WDR49: variants seen among roughly 807,000 people sequenced by gnomAD.
WDR49 encodes WD repeat domain 49.
WDR49 carries 107 observed loss-of-function variants against 119.5 expected under a neutral mutation model. The ratio of observed to expected loss-of-function variants is 0.90; its 90% CI spans 0.77 to 1.05. The LOEUF (loss-of-function observed/expected upper bound fraction) is 1.05, where lower values mean the gene tolerates loss of function less well. WDR49 is among the 50% of genes least tolerant of loss of function. WDR49 has a pLI of 0.00. For synonymous variants in WDR49, 425 were observed against 418.8 expected (o/e 1.01, Z -0.18); for missense variants, 1,240 against 1,220.5 (o/e 1.02, Z -0.24).
At chr3:167,482,427 T>C (rs987895055) in intron 18 of WDR49, among the ~76,000 whole-genome samples, 15 of 151,688 alleles carry the variant, frequency 9.9e-5, no homozygotes, top group African/African-American at 3.4e-4. Context: ...CCCAACACTT[T>C]GGGAGGCCGA....
rs770231423 is a variant in WDR49, at chr3:167,505,304, T to C, written c.2884+3A>G. Reference sequence around the variant, plus strand: ...AAATACATTAACAACAGTGACTACTTACTGAATGATTTTTTTATAACTTCA... The same window carrying C: ...AAATACATTAACAACAGTGACTACTCACTGAATGATTTTTTTATAACTTCA... On this transcript the variant is annotated splice_donor_region_variant and intron_variant, in intron 17 of 18. Transcript: ENST00000682715. 6.7e-7 allele frequency: 1 copy of C among 1,499,700 alleles called. No individual in the cohort carries two copies. Among genetic ancestry groups the C allele is most frequent in the Non-Finnish European group, 8.8e-7 (1 of 1,132,100 alleles). 92.9% of individuals were successfully genotyped at this position (1,499,700 alleles called of 1,614,324 possible).
intron 15 of WDR49, among the ~76,000 whole-genome samples, chr3:167,523,382 CTT>C (rs200074707): frequency 2.1e-5 from 3 of 145,692 alleles, no homozygotes; most frequent in Admixed American, 6.9e-5. Context: ...GACATACATT[CTT>C]TTTTTTTTTT....
At chr3:167,539,252 A>G (rs1711647705) in intron 10 of WDR49, among the ~76,000 whole-genome samples, 1 of 152,178 alleles carries the variant, frequency 6.6e-6, no homozygotes, top group African/African-American at 2.4e-5. Context: ...GCTGTTTTGA[A>G]TTGTTAGGAG....
At chr3:167,578,437 C>A (rs1224915988) in intron 7 of WDR49, among the ~76,000 whole-genome samples, 1 of 151,986 alleles carries the variant, frequency 6.6e-6, no homozygotes, top group Non-Finnish European at 1.5e-5. Flanking sequence ...TATAATTGTG[C>A]ACACATGTGT....
intron 7 of WDR49, among the ~76,000 whole-genome samples, chr3:167,584,708 C>A (rs759308024): frequency 1.3e-5 from 2 of 151,416 alleles, no homozygotes; most frequent in African/African-American, 2.4e-5. Flanking sequence ...CAAAAAATAA[C>A]CTTAGGCAAC....
chr3:167,620,991 C>G (rs2108321742), intron 4 of WDR49, among the ~76,000 whole-genome samples: 1 of 152,010 alleles, frequency 6.6e-6, no homozygotes, highest in East Asian at 2.0e-4. Context: ...TATCCAATAT[C>G]TAGGTTTCAG....
upstream of WDR49, among the ~76,000 whole-genome samples, chr3:167,657,664 C>A (rs1718636973): frequency 6.6e-6 from 1 of 152,120 alleles, no homozygotes; most frequent in African/African-American, 2.4e-5. Context: ...CTAAATTCTC[C>A]CTCCACCTCC....
chr3:167,494,234 A>G (rs1327363000), intron 18 of WDR49, among the ~76,000 whole-genome samples: 2 of 152,208 alleles, frequency 1.3e-5, no homozygotes, highest in Non-Finnish European at 2.9e-5. Flanking sequence ...AAATAGTAGA[A>G]GGCGAAGTGA....
intron 8 of WDR49, chr3:167,566,791 G>A (rs1713627688): frequency 1.6e-6 from 1 of 607,700 alleles, no homozygotes; most frequent in Admixed American, 2.6e-5. Flanking sequence ...AAAAGAAAAT[G>A]TTATTAAGAA....
rs537926194 is a variant in WDR49 at position 167,518,929 on chromosome 3, G to GA, written c.2774+3385dup. On this transcript the variant is annotated intron_variant, in intron 16 of 18. Coordinates refer to ENST00000682715, the MANE Select transcript of WDR49 (RefSeq NM_001366157.1). ...ACAGGGAACTTAAACAAATTTACAA[G>GA]AAAAAAAAAAACAACCCCATTAAAA... Among the ~76,000 whole-genome samples, 87 of 132,792 alleles carry GA rather than the reference G, an allele frequency of 6.6e-4. 1 individual carries two copies. The highest frequency in any genetic ancestry group is 4.0e-3 in the Middle Eastern group (1 of 252). 87.1% of individuals were successfully genotyped at this position (132,792 alleles called of 152,430 possible).
At chr3:167,537,645 T>C (rs1711538998) in intron 10 of WDR49, among the ~76,000 whole-genome samples, 1 of 152,122 alleles carries the variant, frequency 6.6e-6, no homozygotes, top group African/African-American at 2.4e-5. Context: ...CTGATAAATT[T>C]GAGGACAGGA....
At chr3:167,573,842 A>G (rs4568134) in intron 8 of WDR49, among the ~76,000 whole-genome samples, 72,312 of 152,066 alleles carry the variant, frequency 0.48, 20,943 homozygotes, top group African/African-American at 0.83. Context: ...CGATGTCTGC[A>G]AAGTATTCCC....
intron 2 of WDR49, among the ~76,000 whole-genome samples, chr3:167,641,524 A>G (rs545359818): frequency 3.3e-5 from 5 of 151,944 alleles, no homozygotes; most frequent in Non-Finnish European, 7.4e-5. Context: ...AACATGGTCT[A>G]ATTGCTGAGA....
upstream of WDR49, among the ~76,000 whole-genome samples, chr3:167,655,707 G>A (rs1718581695): frequency 6.6e-6 from 1 of 152,138 alleles, no homozygotes. Flanking sequence ...AGACCAGCCT[G>A]GCCAACATGG....
intron 16 of WDR49, among the ~76,000 whole-genome samples, chr3:167,522,003 TAG>T (rs747816050): frequency 0.02 from 3,028 of 148,138 alleles, 50 homozygotes; most frequent in Non-Finnish European, 0.03. Context: ...GATAGATAGA[TAG>T]ATAGATAGAT....
chr3:167,570,088 C>T (rs1713844783), intron 8 of WDR49, among the ~76,000 whole-genome samples: 1 of 148,088 alleles, frequency 6.8e-6, no homozygotes, highest in South Asian at 2.2e-4. Flanking sequence ...GACATATAAC[C>T]AATTACAGCT....
intron 7 of WDR49, among the ~76,000 whole-genome samples, chr3:167,590,428 G>C (rs1050698779): frequency 1.3e-5 from 2 of 152,052 alleles, no homozygotes; most frequent in Non-Finnish European, 2.9e-5. Flanking sequence ...AATGAGTTTG[G>C]AAGTATTCCT....
At chr3:167,492,548 A>C (rs1473468609) in intron 18 of WDR49, among the ~76,000 whole-genome samples, 1 of 152,138 alleles carries the variant, frequency 6.6e-6, no homozygotes, top group African/African-American at 2.4e-5. Context: ...AATAAATAAA[A>C]TGTATCAAAG....
chr3:167,499,821 T>C (rs1751491246), intron 18 of WDR49, among the ~76,000 whole-genome samples: 1 of 152,196 alleles, frequency 6.6e-6, no homozygotes, highest in Admixed American at 6.5e-5. Context: ...GGTCTTATGA[T>C]GGCTTCCTCC....
Sources: gnomAD v4.1 joint callset for allele counts (sites outside exome capture counted in the v4.1 genomes callset) on GRCh38, gnomAD v4.1.1 for gene constraint, MANE v1.5 for transcripts, NCBI Gene and HGNC (gene_info 2026-07-23, HGNC 2026-07-21) for gene names.